Variants in FAM13A observed in about 807,000 individuals in gnomAD.
The protein encoded by FAM13A is protein FAM13A.
Under a neutral mutation model 129.6 loss-of-function variants are expected in FAM13A, and 76 were observed. That is an observed-to-expected ratio of 0.59 (90% confidence interval 0.49 to 0.71). FAM13A has a LOEUF of 0.71. Ranked by LOEUF, FAM13A falls within the 30% of genes least tolerant of loss-of-function variation. The probability of loss-of-function intolerance (pLI) is 0.00; values close to 1 mark genes in which losing one functional copy is unlikely to be tolerated. For synonymous variants in FAM13A, 443 were observed against 449.9 expected, an observed-to-expected ratio of 0.98 and a Z score of 0.20; for missense variants, 1,108 against 1,249.3, an observed-to-expected ratio of 0.89 and a Z score of 1.70.
chr4:88,991,482 G>T (rs1057092412), intron 3 of FAM13A, among the ~76,000 whole-genome samples: 1 of 151,958 alleles, frequency 6.6e-6, no homozygotes, highest in Non-Finnish European at 1.5e-5. Context: ...ACTAACTTAT[G>T]CAAGAAATAT....
chr4:88,982,084 C>A (rs1192968532), intron 4 of FAM13A, among the ~76,000 whole-genome samples: 1 of 152,224 alleles, frequency 6.6e-6, no homozygotes, highest in African/African-American at 2.4e-5. Flanking sequence ...GCAGATTGGT[C>A]TGAGAGGCGG....
At chr4:88,762,621 T>C (rs1394019755) in intron 13 of FAM13A, among the ~76,000 whole-genome samples, 1 of 152,124 alleles carries the variant, frequency 6.6e-6, no homozygotes, top group African/African-American at 2.4e-5. Flanking sequence ...TCCTATGTCC[T>C]ATGGCCCATG....
chr4:89,029,046 G>A (rs955279918), intron 2 of FAM13A, among the ~76,000 whole-genome samples: 1 of 152,046 alleles, frequency 6.6e-6, no homozygotes, highest in Non-Finnish European at 1.5e-5. Flanking sequence ...AAGTGTATGA[G>A]GATAGTCAAG....
intron 4 of FAM13A, among the ~76,000 whole-genome samples, chr4:88,966,195 T>C (rs1759327887): frequency 6.6e-6 from 1 of 152,182 alleles, no homozygotes; most frequent in Non-Finnish European, 1.5e-5. Flanking sequence ...TCTAATTAGT[T>C]AGAAAAACAG....
At position 88,758,904 on chromosome 4, in the gene FAM13A, G is replaced by A. The variant is rs748758930; in HGVS notation, c.1579-3C>T. The A allele has an allele frequency of 1.2e-6, 2 of 1,612,720 alleles. No homozygotes were observed. The highest frequency in any genetic ancestry group is 1.1e-5 in the South Asian group (1 of 90,868). On this transcript the variant is annotated splice_region_variant and splice_polypyrimidine_tract_variant and intron_variant, in intron 13 of 23. Coordinates refer to ENST00000264344, the MANE Select transcript of FAM13A (RefSeq NM_014883.4). ...TCCTGGATCTTCATTGTGGGGCTCTGCAATAACAGCACAATGTCCCCAAAT... is the reference window on the plus strand; with the variant it reads ...TCCTGGATCTTCATTGTGGGGCTCTACAATAACAGCACAATGTCCCCAAAT...
intron 21 of FAM13A, among the ~76,000 whole-genome samples, chr4:88,734,088 C>T (rs1560836939): frequency 6.6e-6 from 1 of 152,210 alleles, no homozygotes; most frequent in Non-Finnish European, 1.5e-5. Context: ...GGAATTAATA[C>T]ATAGATAATA....
intron 4 of FAM13A, among the ~76,000 whole-genome samples, chr4:88,961,441 C>G (rs1439149271): frequency 7.9e-6 from 1 of 127,034 alleles, no homozygotes; most frequent in East Asian, 2.6e-4. Flanking sequence ...GATCTCAGTT[C>G]ATTGCAACCT....
chr4:88,911,752 C>G (rs998455133), intron 5 of FAM13A, among the ~76,000 whole-genome samples: 2 of 152,208 alleles, frequency 1.3e-5, no homozygotes, highest in African/African-American at 4.8e-5. Context: ...TCCCATCAAT[C>G]ACAAGCATGC....
chr4:88,790,509 T>A (rs1724903323), intron 9 of FAM13A, 77 bp downstream of exon 9: 1 of 1,252,504 alleles, frequency 8.0e-7, no homozygotes. Flanking sequence ...AGTTGCTTTT[T>A]TTTTCTGTTT....
intron 1 of FAM13A, among the ~76,000 whole-genome samples, chr4:89,033,546 A>G (rs1768980459): frequency 6.6e-6 from 1 of 152,244 alleles, no homozygotes; most frequent in Admixed American, 6.5e-5. Context: ...AGATAAGTGC[A>G]CTTGCTAGAA....
At chr4:88,925,320 G>A (rs1386832869) in intron 5 of FAM13A, among the ~76,000 whole-genome samples, 1 of 152,094 alleles carries the variant, frequency 6.6e-6, no homozygotes, top group Non-Finnish European at 1.5e-5. Flanking sequence ...GTCCAACAAT[G>A]ATAGACTGGA....
At chr4:88,936,613 G>C (rs1343113850) in intron 5 of FAM13A, 1 of 153,222 alleles carries the variant, frequency 6.5e-6, no homozygotes, top group Non-Finnish European at 1.5e-5. Flanking sequence ...GATTTGGAGG[G>C]GACAAACATC....
rs910056904 is a variant in FAM13A, at chr4:88,732,114, A to G, written c.2731T>C (p.Phe911Leu). 5 of 1,614,030 alleles carry G rather than the reference A, an allele frequency of 3.1e-6. No homozygotes were observed. The highest frequency in any genetic ancestry group is 1.7e-5 in the Admixed American group (1 of 60,000). ...GCGTCATCTTCGAATTGGTCCAGAA[A>G]GCATCGTGCACTGAAATCGGTTTTC... ...TLKTDFSARC[F>L]LDQFEDDADG... The change falls in exon 22 of 24, where the codon TTT becomes CTT. Residue 911 changes from phenylalanine (F) to leucine (L), a missense_variant. Physicochemically the swap from Phe to Leu is conservative, Grantham distance 22 (BLOSUM62 0). This residue lies in a region of FAM13A where 529 missense variants were observed against 621.2 expected (regional missense o/e 0.85). Coordinates refer to ENST00000264344, the MANE Select transcript of FAM13A (RefSeq NM_014883.4).
intron 6 of FAM13A, among the ~76,000 whole-genome samples, chr4:88,885,401 G>A (rs1744246185): frequency 6.6e-6 from 1 of 152,014 alleles, no homozygotes; most frequent in East Asian, 1.9e-4. Flanking sequence ...AAAAGATAAA[G>A]TGGAGAAAGG....
intron 6 of FAM13A, among the ~76,000 whole-genome samples, chr4:88,867,602 C>T (rs185828913): frequency 1.1e-4 from 16 of 152,230 alleles, no homozygotes; most frequent in Middle Eastern, 3.4e-3. Flanking sequence ...CATTTGAGCG[C>T]GTAGGCAAAT....
chr4:88,906,654 A>G (rs1748218794), intron 5 of FAM13A, among the ~76,000 whole-genome samples, 192 bp from the exon 6 acceptor site: 1 of 152,226 alleles, frequency 6.6e-6, no homozygotes, highest in Non-Finnish European at 1.5e-5. Context: ...ATAAAGTAAG[A>G]TAAGATGGTG....
At chr4:89,038,300 T>C (rs1043869924) in intron 1 of FAM13A, among the ~76,000 whole-genome samples, 2 of 152,230 alleles carry the variant, frequency 1.3e-5, no homozygotes, top group Non-Finnish European at 2.9e-5. Flanking sequence ...ATTACATTGC[T>C]GGTTAAATTC....
intron 4 of FAM13A, among the ~76,000 whole-genome samples, chr4:88,951,797 G>C (rs1163663302): frequency 6.6e-6 from 1 of 152,138 alleles, no homozygotes; most frequent in Non-Finnish European, 1.5e-5. Context: ...GCATTTATTA[G>C]AGTCTCTTAT....
At chr4:89,002,903 A>G (rs559887455) in intron 3 of FAM13A, among the ~76,000 whole-genome samples, 1 of 152,322 alleles carries the variant, frequency 6.6e-6, no homozygotes, top group Admixed American at 6.5e-5. Flanking sequence ...AAAATAGAAA[A>G]GCTAAAATTA....
Sources: gnomAD v4.1 joint callset for allele counts (sites outside exome capture counted in the v4.1 genomes callset) on GRCh38, gnomAD v4.1.1 for gene constraint, gnomAD v4.1.1 regional missense constraint, MANE v1.5 for transcripts, NCBI Gene and HGNC (gene_info 2026-07-23, HGNC 2026-07-21) for gene names.